Variants in NSMAF observed in about 807,000 individuals in gnomAD.
NSMAF encodes the protein protein FAN.
NSMAF carries 90 observed loss-of-function variants against 134.9 expected under a neutral mutation model. The observed-to-expected ratio is 0.67, with a 90% CI of 0.56 to 0.79. The LOEUF (loss-of-function observed/expected upper bound fraction) is 0.79. Among genes scored for constraint, NSMAF ranks in the 30% least tolerant of loss-of-function variants. NSMAF has a pLI of 0.00. For missense variants in NSMAF, 1,010 were observed against 1,119.0 expected (o/e 0.90, Z 1.39); for synonymous variants, 358 against 389.6 (o/e 0.92, Z 0.96).
intron 16 of NSMAF, among the ~76,000 whole-genome samples, chr8:58,600,454 C>T (rs1235275671): frequency 6.6e-6 from 1 of 151,852 alleles, no homozygotes; most frequent in Non-Finnish European, 1.5e-5. Flanking sequence ...GAAACCTCAT[C>T]TCTACTAAAA....
chr8:58,589,652 T>C, intron 25 of NSMAF, 77 bp from the exon 26 acceptor site: 2 of 1,382,714 alleles, frequency 1.4e-6, no homozygotes, highest in East Asian at 2.6e-5. Flanking sequence ...AAAGAAACAT[T>C]ATGTTGTTTC....
intron 1 of NSMAF, among the ~76,000 whole-genome samples, chr8:58,646,266 A>C (rs1215938615): frequency 1.3e-5 from 2 of 152,244 alleles, no homozygotes; most frequent in Non-Finnish European, 2.9e-5. Flanking sequence ...TATAGTCACA[A>C]GACAGAATTG....
intron 22 of NSMAF, among the ~76,000 whole-genome samples, chr8:58,595,216 G>A (rs1806108962): frequency 6.6e-6 from 1 of 152,110 alleles, no homozygotes; most frequent in South Asian, 2.1e-4. Context: ...CACTCGTGGG[G>A]TATACATCAC....
chr8:58,590,391 C>T (rs1388284377), intron 24 of NSMAF, among the ~76,000 whole-genome samples: 3 of 152,154 alleles, frequency 2.0e-5, no homozygotes, highest in African/African-American at 7.2e-5. Flanking sequence ...GGATGATCCT[C>T]AAGAAAGAAA....
rs778116901 is a variant in NSMAF at position 58,607,766 on chromosome 8, C to T, written c.759+3G>A. On this transcript the variant is annotated splice_donor_region_variant and intron_variant, in intron 11 of 30. Coordinates refer to ENST00000038176, the MANE Select transcript of NSMAF (RefSeq NM_003580.4). ...GCCCCAGCACAGCCTCCCAAGGACTCACCAGAGGCATGAGGCCGTGCCTCC... is the reference window on the plus strand; with the variant it reads ...GCCCCAGCACAGCCTCCCAAGGACTTACCAGAGGCATGAGGCCGTGCCTCC... The T allele has an allele frequency of 1.2e-5, 19 of 1,612,630 alleles. No homozygotes were observed. The East Asian group carries it at 3.8e-4, about 32-fold the overall frequency.
rs1387941435 is a variant in NSMAF, at chr8:58,623,360, T to C, written c.504+17A>G. The C allele has an allele frequency of 2.5e-6, 4 of 1,612,908 alleles. No individual in the cohort carries two copies. The highest frequency in any genetic ancestry group is 2.7e-5 in the African/African-American group (2 of 74,910). ...GTTAATTGACAATCAAAGACAGACA[T>C]TGTTAAGAATACTTACCATGGCGGT... On this transcript the variant is annotated intron_variant, in intron 8 of 30. Coordinates refer to ENST00000038176, the MANE Select transcript of NSMAF (RefSeq NM_003580.4).
chr8:58,626,866 G>A (rs117703176), intron 6 of NSMAF, among the ~76,000 whole-genome samples: 4,029 of 152,166 alleles, frequency 0.026, 68 homozygotes, highest in Non-Finnish European at 0.041. Context: ...CCATGCCAAC[G>A]TCTATTATTT....
intron 2 of NSMAF, among the ~76,000 whole-genome samples, chr8:58,641,752 T>C (rs1039889569): frequency 1.3e-5 from 2 of 152,216 alleles, no homozygotes; most frequent in African/African-American, 4.8e-5. Flanking sequence ...TTTGAAATGG[T>C]ATCCTAGAAG....
intron 10 of NSMAF, 61 bp from the exon 11 acceptor site, chr8:58,607,901 A>G (rs1383869229): frequency 1.8e-5 from 25 of 1,375,240 alleles, no homozygotes; most frequent in Non-Finnish European, 2.1e-5. Flanking sequence ...AAGTTGTTCT[A>G]TAGTATCAGA....
chr8:58,651,010 G>T (rs1324134414), intron 1 of NSMAF, among the ~76,000 whole-genome samples: 1 of 152,076 alleles, frequency 6.6e-6, no homozygotes, highest in Non-Finnish European at 1.5e-5. Flanking sequence ...TGTTCTCTGG[G>T]ATTTTTTCCT....
rs898876701 is a variant in NSMAF, at chr8:58,612,304, C to T, written c.558-2571G>A. On this transcript the variant is annotated intron_variant, in intron 9 of 30. Transcript: ENST00000038176. ...TATGTGACGAAACCTCCATAAATACCCCTAAACTATGAGGCTGGGAGAGCT... is the reference window on the plus strand; with the variant it reads ...TATGTGACGAAACCTCCATAAATACTCCTAAACTATGAGGCTGGGAGAGCT... Among the ~76,000 whole-genome samples, 3 of 152,146 alleles carry T rather than the reference C, an allele frequency of 2.0e-5. No homozygotes were observed. The East Asian group carries it at 5.8e-4, about 29-fold the overall frequency.
In NSMAF at chr8:58,642,989, A is replaced by G; in HGVS notation, c.144T>C (p.His48=). 6.2e-7 allele frequency: 1 copy of G among 1,611,614 alleles called. No homozygotes were observed. Among genetic ancestry groups the G allele is most frequent in the Non-Finnish European group, 8.5e-7 (1 of 1,177,674 alleles). Reference sequence around the variant, plus strand: ...AGATACCGAAGCTTCCTTACCTTTCATGGTGACTGCCCTTGTGCAAAATGT... The same window carrying G: ...AGATACCGAAGCTTCCTTACCTTTCGTGGTGACTGCCCTTGTGCAAAATGT... ...ANHILHKGSH[H]ERKIRGSLKI... Residue 48 remains histidine (H), a synonymous_variant, in exon 2 of 31, where the codon CAT becomes CAC. Transcript: ENST00000038176.
At chr8:58,600,729 A>G (rs1408937673) in intron 16 of NSMAF, among the ~76,000 whole-genome samples, 1 of 151,500 alleles carries the variant, frequency 6.6e-6, no homozygotes, top group Non-Finnish European at 1.5e-5. Flanking sequence ...TGAAAAGGAC[A>G]TACCAAAAAA....
rs574661356 is a variant in NSMAF at position 58,620,454 on chromosome 8, A to G, written c.557+2766T>C. ...GCTAGCACCTAAGAGTCTTGGGGCCATGTTAAGGTGTTTAGGCTTTATCCT... is the reference window on the plus strand; with the variant it reads ...GCTAGCACCTAAGAGTCTTGGGGCCGTGTTAAGGTGTTTAGGCTTTATCCT... On this transcript the variant is annotated intron_variant, in intron 9 of 30. Transcript: ENST00000038176. Among the ~76,000 whole-genome samples, 7 of 152,318 alleles carry G rather than the reference A, an allele frequency of 4.6e-5. No homozygotes were observed. The South Asian group carries it at 1.5e-3, about 32-fold the overall frequency.
intron 2 of NSMAF, chr8:58,640,178 C>A (rs1807302288): frequency 2.4e-6 from 1 of 410,508 alleles, no homozygotes; most frequent in African/African-American, 2.1e-5. Flanking sequence ...GAGAGTAGAT[C>A]TTATATGTTC....
At position 58,637,042 on chromosome 8, in the gene NSMAF, C is replaced by CACA. The variant is rs1563541180; in HGVS notation, c.150-1497_150-1496insTGT. Among the ~76,000 whole-genome samples, 907 of 142,472 alleles carry CACA rather than the reference C, an allele frequency of 6.4e-3. 11 individuals carry two copies. The highest frequency in any genetic ancestry group is 0.023 in the African/African-American group (829 of 35,498). The allele number at this position is 142,472 out of a possible 152,430, so 93.5% of individuals were successfully genotyped here. ...TACACACACACACACACACACACAC[C>CACA]CACACACAAACACACATATTTATAA... On this transcript the variant is annotated intron_variant, in intron 2 of 30. Transcript: ENST00000038176.
At chr8:58,653,742 A>G (rs1337221277) in intron 1 of NSMAF, among the ~76,000 whole-genome samples, 1 of 152,196 alleles carries the variant, frequency 6.6e-6, no homozygotes, top group Non-Finnish European at 1.5e-5. Flanking sequence ...TAAAAGATGA[A>G]ATGACAATGG....
intron 6 of NSMAF, among the ~76,000 whole-genome samples, chr8:58,626,774 G>C (rs2129144943): frequency 6.6e-6 from 1 of 152,260 alleles, no homozygotes; most frequent in East Asian, 1.9e-4. Context: ...AATTCTTTAA[G>C]GAATCTCTAT....
chr8:58,585,942 C>A lies in NSMAF; in HGVS notation c.2505G>T (p.Gln835His). ...TCATGGAGGAGATGAGCATTCCTGTCTGCACATCAATGACATTAAGACAGC... is the reference window on the plus strand; with the variant it reads ...TCATGGAGGAGATGAGCATTCCTGTATGCACATCAATGACATTAAGACAGC... ...TDGCLNVIDVQTGMLISSMTS... is the reference protein window; with the variant it reads ...TDGCLNVIDVHTGMLISSMTS... Residue 835 changes from glutamine to histidine, a missense_variant, in exon 29 of 31, where the codon CAG becomes CAT. Transcript: ENST00000038176. 6.2e-7 allele frequency: 1 copy of A among 1,614,060 alleles called. No individual in the cohort carries two copies. The highest frequency in any genetic ancestry group is 8.5e-7 in the Non-Finnish European group (1 of 1,179,992).
Sources: gnomAD v4.1 joint callset for allele counts (sites outside exome capture counted in the v4.1 genomes callset) on GRCh38, gnomAD v4.1.1 for gene constraint, MANE v1.5 for transcripts, NCBI Gene and HGNC (gene_info 2026-07-23, HGNC 2026-07-21) for gene names.